Variants in ERBIN observed in about 807,000 individuals in gnomAD.
ERBIN encodes the protein erbb2 interacting protein, also known as densin-180-like protein.
A neutral mutation model predicts 158.4 loss-of-function variants in ERBIN; 60 were observed. That is an observed-to-expected ratio of 0.38 (90% CI 0.31 to 0.47). ERBIN has a LOEUF of 0.47. Ranked by LOEUF, ERBIN falls within the 20% of genes least tolerant of loss-of-function variation. The probability of loss-of-function intolerance (pLI) is 0.99; values close to 1 mark genes in which losing one functional copy is unlikely to be tolerated. For missense variants in ERBIN, 1,610 were observed against 1,648.0 expected (o/e 0.98, Z 0.40); for synonymous variants, 594 against 557.2 (o/e 1.07, Z -0.93).
chr5:66,043,109 C>A lies in ERBIN; in HGVS notation c.1339C>A (p.Pro447Thr). 6.2e-7 allele frequency: 1 copy of A among 1,607,588 alleles called. No individual in the cohort carries two copies. Among genetic ancestry groups the A allele is most frequent in the South Asian group, 1.1e-5 (1 of 90,804 alleles). ...MFISDNESFN[P>T]SLWEEQRKQR... ...TATATCAGATAATGAAAGTTTTAAC[C>A]CTTCATTGTGGGAGGAACAGAGGAA... Residue 447 changes from proline (P) to threonine (T), a missense_variant, in exon 16 of 26, where the codon CCT (proline) becomes ACT (threonine). By Grantham distance (38) the Pro-to-Thr change is conservative. Coordinates refer to ENST00000284037, the MANE Select transcript of ERBIN (RefSeq NM_001253697.2).
intron 21 of ERBIN, 54 bp from the exon 22 acceptor site, chr5:66,072,115 G>T: frequency 1.3e-6 from 2 of 1,517,906 alleles, no homozygotes; most frequent in South Asian, 1.3e-5. Context: ...TCATCCTCTT[G>T]GTTTCACATC....
intron 1 of ERBIN, among the ~76,000 whole-genome samples, chr5:65,965,382 G>GTTTTTTTTTTTTTTTTTTTTTTTTTTTT (rs200847060): frequency 6.2e-5 from 6 of 96,060 alleles, no homozygotes; most frequent in East Asian, 3.6e-4. Context: ...GTTTTTTGTT[G>GTTTTTTTTTTTTTTTTTTTTTTTTTTTT]TTTTTTTTTT....
intron 1 of ERBIN, among the ~76,000 whole-genome samples, chr5:65,981,570 A>G (rs1409471677): frequency 6.6e-6 from 1 of 152,208 alleles, no homozygotes; most frequent in Non-Finnish European, 1.5e-5. Flanking sequence ...GGAGGTGCTT[A>G]TGGTACAGAT....
chr5:65,956,667 A>C (rs1352963049), intron 1 of ERBIN, among the ~76,000 whole-genome samples: 1 of 151,848 alleles, frequency 6.6e-6, no homozygotes, highest in Non-Finnish European at 1.5e-5. Flanking sequence ...GGTGTGAGCC[A>C]CTGCTCCTGG....
rs191639980 is a variant in ERBIN, at chr5:65,944,635, G to A, written c.-58+17829G>A. On this transcript the variant is annotated intron_variant, in intron 1 of 25. Transcript: ENST00000284037. ...TGCCAGGCTGGTCTTGAACTCTTGG[G>A]CTCATGTGATCCACCTTGGCCTCCC... is the stretch of plus-strand genomic sequence containing the variant. 9.6e-4 allele frequency among the ~76,000 whole-genome samples: 146 copies of A among 152,122 alleles called. 1 individual carries two copies. Among genetic ancestry groups the A allele is most frequent in the African/African-American group, 3.2e-3 (134 of 41,496 alleles).
At chr5:65,977,200 C>G (rs1483899611) in intron 1 of ERBIN, among the ~76,000 whole-genome samples, 4 of 111,918 alleles carry the variant, frequency 3.6e-5, no homozygotes, top group Non-Finnish European at 7.1e-5. Context: ...GGGGGCTGAC[C>G]CCCCCCCACC....
intron 13 of ERBIN, 126 bp downstream of exon 13, chr5:66,026,543 G>A (rs777561832): frequency 5.6e-5 from 24 of 431,488 alleles, no homozygotes; most frequent in African/African-American, 8.2e-5. Context: ...TAAGTTCTCA[G>A]TGTTATTGAT....
At chr5:65,975,257 C>G (rs1749724209) in intron 1 of ERBIN, among the ~76,000 whole-genome samples, 1 of 151,414 alleles carries the variant, frequency 6.6e-6, no homozygotes, top group Non-Finnish European at 1.5e-5. Context: ...ATCTGCCTGC[C>G]TCGGCCTCCC....
In ERBIN at chr5:66,013,637, A is replaced by T; in HGVS notation, c.475A>T (p.Arg159Ter). ...FLEFLPANFG[R>*]LTKLQILELR... Reference sequence around the variant, plus strand: ...TGAGTTCTTGCCAGCAAATTTTGGCAGGTAAATTATGGTTTCTTCTAAAAC... The same window carrying T: ...TGAGTTCTTGCCAGCAAATTTTGGCTGGTAAATTATGGTTTCTTCTAAAAC... Residue 159 changes from arginine to a stop codon, truncating the protein, a stop_gained and splice_region_variant, in exon 6 of 26, where the codon AGA becomes TGA. Coordinates refer to ENST00000284037, the MANE Select transcript of ERBIN (RefSeq NM_001253697.2). LOFTEE classifies it high-confidence loss of function. 6.2e-7 allele frequency: 1 copy of T among 1,607,870 alleles called. No individual in the cohort carries two copies. Among genetic ancestry groups the T allele is most frequent in the Non-Finnish European group, 8.5e-7 (1 of 1,174,566 alleles).
At chr5:65,932,905 T>C (rs1743616599) in intron 1 of ERBIN, among the ~76,000 whole-genome samples, 1 of 152,128 alleles carries the variant, frequency 6.6e-6, no homozygotes, top group African/African-American at 2.4e-5. Flanking sequence ...CAAGCTATCC[T>C]GTCACCTCAC....
chr5:65,949,007 A>C (rs1048225307), intron 1 of ERBIN, among the ~76,000 whole-genome samples: 1 of 152,006 alleles, frequency 6.6e-6, no homozygotes, highest in Non-Finnish European at 1.5e-5. Context: ...CAGGTGATCC[A>C]TCCGCCTTGG....
chr5:65,977,521 G>A, intron 1 of ERBIN, among the ~76,000 whole-genome samples: 1 of 151,578 alleles, frequency 6.6e-6, no homozygotes, highest in East Asian at 2.0e-4. Flanking sequence ...CCCGGACGGG[G>A]CGGCAGGGCA....
chr5:66,069,853 A>ATT, intron 21 of ERBIN, among the ~76,000 whole-genome samples: 1 of 152,024 alleles, frequency 6.6e-6, no homozygotes, highest in Non-Finnish European at 1.5e-5. Context: ...GGTATCCCCC[A>ATT]TTTTAATATA....
chr5:66,025,568 A>G lies in ERBIN; in HGVS notation c.890+16A>G. On this transcript the variant is annotated intron_variant, in intron 11 of 25. Transcript: ENST00000284037. ...CTATAGGAGGGTAAGTTTTTTGTGA[A>G]TGTATACACCCTCGAAGATTTTACT... 1.3e-6 allele frequency: 2 copies of G among 1,574,370 alleles called. No homozygotes were observed. The highest frequency in any genetic ancestry group is 1.7e-6 in the Non-Finnish European group (2 of 1,144,982).
Position 65,967,481 on chromosome 5 carries a change from A to G in ERBIN, c.-57-21154A>G, listed in dbSNP as rs920593595. ...ATACACAAATACTTATCATTGTGTC[A>G]CAGATGCCTGCTGTATTCAGTACAT... On this transcript the variant is annotated intron_variant, in intron 1 of 25. Coordinates refer to ENST00000284037, the MANE Select transcript of ERBIN (RefSeq NM_001253697.2). Among the ~76,000 whole-genome samples the G allele has an allele frequency of 5.1e-4, 78 of 152,242 alleles. 1 individual carries two copies. Among genetic ancestry groups the G allele is most frequent in the East Asian group, 9.7e-4 (5 of 5,170 alleles).
At chr5:65,943,833 A>G (rs1745381203) in intron 1 of ERBIN, among the ~76,000 whole-genome samples, 4 of 152,172 alleles carry the variant, frequency 2.6e-5, no homozygotes, top group Admixed American at 2.6e-4. Flanking sequence ...CTTTAACTCT[A>G]TACCCATTAA....
chr5:65,940,784 C>T (rs1435587361), intron 1 of ERBIN, among the ~76,000 whole-genome samples: 6 of 152,034 alleles, frequency 3.9e-5, no homozygotes, highest in African/African-American at 1.4e-4. Flanking sequence ...TGAGGAGCCC[C>T]TCTGCCCAGC....
chr5:66,080,020 G>A lies in ERBIN; in HGVS notation c.*1490G>A, dbSNP rs1762315008. 6.6e-6 allele frequency: 1 copy of A among 152,152 alleles called. No individual in the cohort carries two copies. The highest frequency in any genetic ancestry group is 2.1e-4 in the South Asian group (1 of 4,832). The allele number at this position is 152,152 out of a possible 1,614,324, so 9.4% of individuals were successfully genotyped here. On this transcript the variant is annotated 3_prime_UTR_variant, in exon 26 of 26. Coordinates refer to ENST00000284037, the MANE Select transcript of ERBIN (RefSeq NM_001253697.2). ...GAAGACCAATAACTGTTTAGTTGAG[G>A]CTAGTCTGGAACCTTTCATTAGAGC...
chr5:66,007,679 C>A (rs889730752), intron 4 of ERBIN, among the ~76,000 whole-genome samples: 2 of 152,168 alleles, frequency 1.3e-5, no homozygotes, highest in African/African-American at 4.8e-5. Context: ...TGTTTGTTTT[C>A]CTTATTGCAT....
Sources: gnomAD v4.1 joint callset for allele counts (sites outside exome capture counted in the v4.1 genomes callset) on GRCh38, gnomAD v4.1.1 for gene constraint, MANE v1.5 for transcripts, NCBI Gene and HGNC (gene_info 2026-07-23, HGNC 2026-07-21) for gene names.